Variants in ODAD2 observed in about 807,000 individuals in gnomAD.
ODAD2 encodes outer dynein arm docking complex subunit 2.
In ODAD2, 89 loss-of-function variants were observed where a neutral mutation model predicts 106.8. The observed-to-expected ratio is 0.83, with a 90% CI of 0.70 to 0.99. ODAD2 has a LOEUF of 0.99. Ranked by LOEUF, ODAD2 falls within the 50% of genes least tolerant of loss-of-function variation. The pLI, the probability that ODAD2 is intolerant of heterozygous loss-of-function variation, is 0.00. For synonymous variants in ODAD2, 404 were observed against 436.2 expected (o/e 0.93, Z 0.92); for missense variants, 1,168 against 1,238.5 (o/e 0.94, Z 0.85).
chr10:27,948,505 A>C (rs2132675044), intron 10 of ODAD2, among the ~76,000 whole-genome samples: 1 of 152,360 alleles, frequency 6.6e-6, no homozygotes, highest in East Asian at 1.9e-4. Context: ...CGAACTGAGA[A>C]GAAACCATGC....
At chr10:27,866,749 T>C (rs983987596) in intron 17 of ODAD2, among the ~76,000 whole-genome samples, 5 of 152,000 alleles carry the variant, frequency 3.3e-5, no homozygotes, top group African/African-American at 1.2e-4. Flanking sequence ...TAACAATCAG[T>C]TCTGGTGGGA....
At chr10:27,836,082 CAG>C (rs1837858886) in intron 19 of ODAD2, 1 of 153,334 alleles carries the variant, frequency 6.5e-6, no homozygotes, top group Non-Finnish European at 1.5e-5. Context: ...CTTGCTGTCT[CAG>C]GGGTGGCAGA....
At chr10:27,982,706 T>TC (rs1260169043) in intron 6 of ODAD2, among the ~76,000 whole-genome samples, 1 of 152,000 alleles carries the variant, frequency 6.6e-6, no homozygotes, top group African/African-American at 2.4e-5. Flanking sequence ...GATGGCTGGG[T>TC]CCCCATTAAG....
intron 10 of ODAD2, among the ~76,000 whole-genome samples, chr10:27,954,493 G>A (rs1487005513): frequency 1.8e-5 from 1 of 56,730 alleles, no homozygotes; most frequent in Non-Finnish European, 4.1e-5. Flanking sequence ...GAATAAACAC[G>A]AGTGAATGAA....
intron 17 of ODAD2, among the ~76,000 whole-genome samples, chr10:27,899,385 G>C: frequency 6.6e-6 from 1 of 152,038 alleles, no homozygotes; most frequent in East Asian, 1.9e-4. Context: ...AAACTGGGGG[G>C]CCATTTCAGC....
At chr10:27,830,399 C>A (rs1313665678) in intron 19 of ODAD2, among the ~76,000 whole-genome samples, 1 of 152,116 alleles carries the variant, frequency 6.6e-6, no homozygotes, top group Non-Finnish European at 1.5e-5. Flanking sequence ...AGTCTCAACT[C>A]GATACTTGGA....
At chr10:27,982,742 T>C (rs1338812412) in intron 6 of ODAD2, among the ~76,000 whole-genome samples, 1 of 152,184 alleles carries the variant, frequency 6.6e-6, no homozygotes, top group East Asian at 1.9e-4. Context: ...TGTAGAATTT[T>C]GTTTCTGAGT....
Position 27,939,945 on chromosome 10 carries a change from A to G in ODAD2, c.2049T>C (p.Asn683=), listed in dbSNP as rs2132563396. The G allele has an allele frequency of 1.2e-6, 2 of 1,611,538 alleles. No individual in the cohort carries two copies. Among genetic ancestry groups the G allele is most frequent in the Non-Finnish European group, 1.7e-6 (2 of 1,178,954 alleles). Residue 683 remains asparagine, a synonymous_variant, in exon 14 of 20, where the codon AAT becomes AAC. Transcript: ENST00000305242. ...GCTCCTGCAGCTGCTCATTCTCACT[A>G]TTTAGGTTCTTGACAAGGTTTTCAA... is the stretch of plus-strand genomic sequence containing the variant. ...RIIENLVKNL[N]SENEQLQEHC...
At chr10:27,868,590 C>A (rs1840624909) in intron 17 of ODAD2, among the ~76,000 whole-genome samples, 1 of 152,120 alleles carries the variant, frequency 6.6e-6, no homozygotes, top group South Asian at 2.1e-4. Flanking sequence ...AACAGAAAAC[C>A]AAACAACACG....
chr10:27,878,948 G>A (rs539109789), intron 17 of ODAD2, among the ~76,000 whole-genome samples: 1 of 152,184 alleles, frequency 6.6e-6, no homozygotes, highest in East Asian at 1.9e-4. Flanking sequence ...TATTACCCTT[G>A]TCCTTGTGAA....
intron 16 of ODAD2, among the ~76,000 whole-genome samples, chr10:27,924,637 A>C (rs1292983415): frequency 6.8e-6 from 1 of 145,996 alleles, no homozygotes; most frequent in East Asian, 2.0e-4. Flanking sequence ...AAAAAAAAAA[A>C]AAACAGAAGA....
intron 7 of ODAD2, 98 bp from the exon 8 acceptor site, chr10:27,971,411 G>C (rs929525039): frequency 9.6e-7 from 1 of 1,046,026 alleles, no homozygotes; most frequent in Non-Finnish European, 1.4e-6. Flanking sequence ...AGGAAGTCTC[G>C]GATGCATTTA....
Position 27,946,168 on chromosome 10 carries a change from T to C in ODAD2, c.1387-1206A>G, listed in dbSNP as rs181114166. The stretch of plus-strand genomic sequence containing the variant: ...TATAAAATATTCTACATTATGTTTA[T>C]ATATAAATTTAAAAGTTTAAATATA... On this transcript the variant is annotated intron_variant, in intron 10 of 19. Transcript: ENST00000305242. Among the ~76,000 whole-genome samples the C allele has an allele frequency of 3.8e-3, 570 of 148,216 alleles. 2 individuals are homozygous for C. Among genetic ancestry groups the C allele is most frequent in the African/African-American group, 0.014 (555 of 40,914 alleles).
chr10:27,854,840 G>GAGTT (rs1169533954), intron 19 of ODAD2, among the ~76,000 whole-genome samples: 2 of 152,066 alleles, frequency 1.3e-5, no homozygotes, highest in Non-Finnish European at 2.9e-5. Flanking sequence ...AGAGATAAAA[G>GAGTT]AGTTGATTGA....
intron 7 of ODAD2, among the ~76,000 whole-genome samples, chr10:27,979,435 C>A (rs562328740): frequency 7.5e-6 from 1 of 133,706 alleles, no homozygotes; most frequent in African/African-American, 3.0e-5. Context: ...AGAATACACA[C>A]ACACACCCAT....
intron 19 of ODAD2, among the ~76,000 whole-genome samples, chr10:27,816,835 G>C (rs562097165): frequency 6.6e-6 from 1 of 152,044 alleles, no homozygotes; most frequent in Non-Finnish European, 1.5e-5. Flanking sequence ...TGCAACCTCC[G>C]TCCCCTGGGG....
In ODAD2 at chr10:27,907,779, T is replaced by C; in HGVS notation, c.2496-2A>G. 6.2e-7 allele frequency: 1 copy of C among 1,604,730 alleles called. No homozygotes were observed. The highest frequency in any genetic ancestry group is 8.5e-7 in the Non-Finnish European group (1 of 1,171,856). On this transcript the variant is annotated splice_acceptor_variant, in intron 16 of 19. Coordinates refer to ENST00000305242, the MANE Select transcript of ODAD2 (RefSeq NM_018076.5). LOFTEE classifies it high-confidence loss of function. ...ACTCCATCTAAGCGATCAATTATCC[T>C]ATCGTGGAACCCAAAATCATGATAT...
intron 19 of ODAD2, among the ~76,000 whole-genome samples, chr10:27,831,847 C>A (rs1837501747): frequency 6.6e-6 from 1 of 152,210 alleles, no homozygotes; most frequent in South Asian, 2.1e-4. Flanking sequence ...TTCTGCAAAC[C>A]CTCCCTGTGG....
At chr10:27,974,671 C>G (rs1849074494) in intron 7 of ODAD2, among the ~76,000 whole-genome samples, 1 of 148,746 alleles carries the variant, frequency 6.7e-6, no homozygotes, top group Non-Finnish European at 1.5e-5. Flanking sequence ...GTGATACCTC[C>G]AGCTTCGGTC....
Sources: gnomAD v4.1 joint callset for allele counts (sites outside exome capture counted in the v4.1 genomes callset) on GRCh38, gnomAD v4.1.1 for gene constraint, MANE v1.5 for transcripts, NCBI Gene and HGNC (gene_info 2026-07-23, HGNC 2026-07-21) for gene names.